CCP110: variants seen among roughly 807,000 people sequenced by gnomAD.
CCP110 encodes the protein centriolar coiled-coil protein of 110 kDa.
In CCP110, 43 loss-of-function variants were observed where a neutral mutation model predicts 105.5. That is an observed-to-expected ratio of 0.41 (90% CI 0.32 to 0.53). CCP110 has a LOEUF of 0.53. Ranked by LOEUF, CCP110 falls within the 20% of genes least tolerant of loss-of-function variation. The pLI, the probability that CCP110 is intolerant of heterozygous loss-of-function variation, is 0.32. For missense variants in CCP110, 1,016 were observed against 1,189.1 expected (o/e 0.85, Z 2.14); for synonymous variants, 353 against 392.1 (o/e 0.90, Z 1.18).
rs761949461 is a variant in CCP110 at position 19,541,944 on chromosome 16, T to C, written c.2107T>C (p.Ser703Pro). The change falls in exon 6 of 15, where the codon TCT (serine) becomes CCT (proline). Residue 703 changes from serine (S) to proline (P), a missense_variant. Ser to Pro is a moderately conservative substitution (Grantham distance 74). Coordinates refer to ENST00000381396, the Ensembl canonical transcript of CCP110. ...GAAGAAGGCAATGACAGCGGAAGCC[T>C]CTGAGTTGGACATTAACAATGCAGT... 6.1e-5 allele frequency: 98 copies of C among 1,608,814 alleles called. No homozygotes were observed. Among genetic ancestry groups the C allele is most frequent in the Non-Finnish European group, 8.1e-5 (95 of 1,178,198 alleles).
chr16:19,551,475 C>T, exon 15 of CCP110: 1 of 571,950 alleles, frequency 1.7e-6, no homozygotes, highest in South Asian at 2.1e-5. Context: ...TTAGTAATTG[C>T]ATCATCTCTG....
intron 3 of CCP110, among the ~76,000 whole-genome samples, chr16:19,534,422 A>G (rs556302588): frequency 6.6e-6 from 1 of 152,334 alleles, no homozygotes; most frequent in South Asian, 2.1e-4. Flanking sequence ...TGTAAAACCT[A>G]AGATTCTATG....
At position 19,548,495 on chromosome 16, in the gene CCP110, A is replaced by C; in HGVS notation, c.2901-20A>C. Reference sequence around the variant, plus strand: ...AGACCTTAATGCCAGTGACTTATTAATTTTTTTATATTCAATTAGAACCCC... The same window carrying C: ...AGACCTTAATGCCAGTGACTTATTACTTTTTTTATATTCAATTAGAACCCC... On this transcript the variant is annotated intron_variant, in intron 13 of 14. Coordinates refer to ENST00000381396, the Ensembl canonical transcript of CCP110. The surrounding 1 kb of genome is among the most constrained non-coding windows in gnomAD (Gnocchi z 4.1). 1 of 1,473,028 alleles carries C rather than the reference A, an allele frequency of 6.8e-7. No individual in the cohort carries two copies. The highest frequency in any genetic ancestry group is 1.3e-5 in the South Asian group (1 of 78,500). The allele number at this position is 1,473,028 out of a possible 1,614,324, so 91.2% of individuals were successfully genotyped here. A position where few individuals can be genotyped will look rare whatever the true frequency, so the allele number is the denominator to read the frequency against.
intron 2 of CCP110, among the ~76,000 whole-genome samples, 154 bp from the exon 3 acceptor site, chr16:19,532,262 C>A (rs967729223): frequency 6.6e-6 from 1 of 152,208 alleles, no homozygotes; most frequent in African/African-American, 2.4e-5. Flanking sequence ...TCTAATGCCC[C>A]ATCCCACTCA....
intron 14 of CCP110, 98 bp from the exon 14 acceptor site, chr16:19,551,098 C>A: frequency 1.3e-6 from 1 of 766,434 alleles, no homozygotes; most frequent in South Asian, 1.4e-5. Flanking sequence ...ATGTATATTG[C>A]CTAGCTCAGT....
exon 15 of CCP110, chr16:19,552,520 C>A: frequency 8.3e-6 from 1 of 120,834 alleles, no homozygotes. Context: ...GAGCAAGACA[C>A]TGTCTCAAAA....
At chr16:19,544,718 G>T (rs1970402508) in intron 8 of CCP110, 79 bp from the exon 9 acceptor site, 1 of 766,770 alleles carries the variant, frequency 1.3e-6, no homozygotes, top group African/African-American at 1.7e-5. Flanking sequence ...TGGATTGACT[G>T]AGAAAAAGAA....
chr16:19,531,761 T>C (rs758828719), intron 2 of CCP110, among the ~76,000 whole-genome samples: 1 of 151,820 alleles, frequency 6.6e-6, no homozygotes, highest in Non-Finnish European at 1.5e-5. Flanking sequence ...AAGTCAGGAG[T>C]TCGAGACCAG....
chr16:19,532,542 C>G, exon 3 of CCP110: 3 of 1,589,742 alleles, frequency 1.9e-6, no homozygotes, highest in South Asian at 1.2e-5. Flanking sequence ...TGACAATGTT[C>G]AGGTGTGTGA....
intron 4 of CCP110, among the ~76,000 whole-genome samples, chr16:19,540,023 T>A (rs1268005184): frequency 1.3e-5 from 2 of 152,050 alleles, no homozygotes; most frequent in South Asian, 4.1e-4. Context: ...CCTCAAGTGA[T>A]CCACCTGCCT....
At chr16:19,551,253 A>G in exon 15 of CCP110, 1 of 1,609,168 alleles carries the variant, frequency 6.2e-7, no homozygotes, top group South Asian at 1.1e-5. Context: ...ATTTAAGAAG[A>G]CAACATTCAT....
chr16:19,533,504 G>C (rs555665472), intron 3 of CCP110, among the ~76,000 whole-genome samples: 1 of 152,118 alleles, frequency 6.6e-6, no homozygotes, highest in East Asian at 1.9e-4. Context: ...TGAGATAAGC[G>C]ATCACATTTT....
At chr16:19,551,011 G>T (rs1456439301) in intron 14 of CCP110, among the ~76,000 whole-genome samples, 185 bp from the exon 14 acceptor site, 1 of 152,098 alleles carries the variant, frequency 6.6e-6, no homozygotes, top group African/African-American at 2.4e-5. Context: ...GCTCTCCTAT[G>T]CCTCAGTTTT....
At chr16:19,529,412 C>T (rs908509361) in intron 2 of CCP110, among the ~76,000 whole-genome samples, 1 of 152,144 alleles carries the variant, frequency 6.6e-6, no homozygotes, top group East Asian at 1.9e-4. Flanking sequence ...GACACCAGAG[C>T]TAACTGCCAA....
intron 11 of CCP110, 180 bp from the exon 12 acceptor site, chr16:19,546,232 A>G: frequency 1.9e-6 from 1 of 527,180 alleles, no homozygotes; most frequent in Non-Finnish European, 3.3e-6. Flanking sequence ...AAATATCTTA[A>G]TAACTTTTTT....
chr16:19,532,520 C>T (rs892617106), exon 3 of CCP110: 1 of 1,608,286 alleles, frequency 6.2e-7, no homozygotes, highest in Non-Finnish European at 8.5e-7. Context: ...TGACTCGTGT[C>T]CAGGAGATTC....
chr16:19,549,820 A>C (rs1283120565), intron 14 of CCP110, among the ~76,000 whole-genome samples: 1 of 152,224 alleles, frequency 6.6e-6, no homozygotes, highest in Admixed American at 6.5e-5. Context: ...TGCCACAGTG[A>C]CTACTCTCCA....
chr16:19,544,437 A>C (rs1970393844), intron 8 of CCP110, among the ~76,000 whole-genome samples: 1 of 152,230 alleles, frequency 6.6e-6, no homozygotes, highest in South Asian at 2.1e-4. Context: ...AATAATTCAG[A>C]AAAAACAAAT....
In CCP110 at chr16:19,548,260, T is replaced by C. The variant is rs1597281300; in HGVS notation, c.2900+246T>C. 8.7e-6 allele frequency: 5 copies of C among 576,704 alleles called. No homozygotes were observed. In the East Asian group the frequency reaches 1.4e-4, roughly 16 times the overall value. 35.7% of individuals were successfully genotyped at this position (576,704 alleles called of 1,614,324 possible). A position where few individuals can be genotyped will look rare whatever the true frequency, so the allele number is the denominator to read the frequency against. Reference sequence around the variant, plus strand: ...TACTTTTCATTTCATACCATTTTACTCATAAAGTATTTTAAATATCCATAT... The same window carrying C: ...TACTTTTCATTTCATACCATTTTACCCATAAAGTATTTTAAATATCCATAT... On this transcript the variant is annotated intron_variant, in intron 13 of 14. Coordinates refer to ENST00000381396, the Ensembl canonical transcript of CCP110. This position sits in a 1 kb window ranked among gnomAD's most constrained non-coding sequence, Gnocchi z 4.1.
Sources: gnomAD v4.1 joint callset for allele counts (sites outside exome capture counted in the v4.1 genomes callset) on GRCh38, gnomAD v4.1.1 for gene constraint, Gnocchi (gnomAD v3.1) non-coding constraint, MANE v1.5 for transcripts, NCBI Gene and HGNC (gene_info 2026-07-23, HGNC 2026-07-21) for gene names.